Variants in IL1RN observed in about 807,000 individuals in gnomAD.
IL1RN encodes interleukin 1 receptor antagonist.
In IL1RN, 10 loss-of-function variants were observed where a neutral mutation model predicts 13.7. The observed-to-expected ratio is 0.73, with a 90% CI of 0.45 to 1.24. The LOEUF is 1.24. IL1RN is among the 50% of genes most tolerant of loss of function. The probability of loss-of-function intolerance (pLI) is 0.00; values close to 1 mark genes in which losing one functional copy is unlikely to be tolerated. For missense variants in IL1RN, 213 were observed against 222.1 expected, an observed-to-expected ratio of 0.96 and a Z score of 0.26; for synonymous variants, 102 against 82.7, an observed-to-expected ratio of 1.23 and a Z score of -1.27.
chr2:113,111,748 G>A (rs1375879678), intron 1 of IL1RN, among the ~76,000 whole-genome samples: 2 of 152,262 alleles, frequency 1.3e-5, no homozygotes, highest in African/African-American at 4.8e-5. Flanking sequence ...TGAGGACCCA[G>A]CCATTAAATG....
At chr2:113,117,992 G>A (rs745431834) in exon 1 of IL1RN, 1 of 1,383,916 alleles carries the variant, frequency 7.2e-7, no homozygotes, top group Admixed American at 1.7e-5. Flanking sequence ...GACCTCAGAA[G>A]ACCTCCTGTC....
intron 2 of IL1RN, among the ~76,000 whole-genome samples, chr2:113,121,213 T>A (rs1686774110): frequency 6.6e-6 from 1 of 152,220 alleles, no homozygotes; most frequent in Non-Finnish European, 1.5e-5. Flanking sequence ...AATAAAAGAA[T>A]GGCCACTCCA....
chr2:113,128,592 C>G (rs1381983478), intron 1 of IL1RN, among the ~76,000 whole-genome samples: 1 of 152,064 alleles, frequency 6.6e-6, no homozygotes, highest in Non-Finnish European at 1.5e-5. Context: ...TCCTGGAGGC[C>G]CCAGCAGGTG....
upstream of IL1RN, among the ~76,000 whole-genome samples, chr2:113,103,114 T>G (rs1488113502): frequency 6.6e-6 from 1 of 152,174 alleles, no homozygotes; most frequent in Non-Finnish European, 1.5e-5. Context: ...GCAGCCTGTA[T>G]CAGTAGATCA....
upstream of IL1RN, chr2:113,127,553 G>T (rs4252003): frequency 6.3e-7 from 1 of 1,575,698 alleles, no homozygotes; most frequent in African/African-American, 1.4e-5. Context: ...TAGCTTGGGT[G>T]AGTGACTATT....
upstream of IL1RN, among the ~76,000 whole-genome samples, chr2:113,126,048 T>A (rs1410870341): frequency 6.6e-6 from 1 of 152,206 alleles, no homozygotes; most frequent in Admixed American, 6.5e-5. Flanking sequence ...TCCGCCCACC[T>A]CAGCCTCCCC....
In IL1RN at chr2:113,131,113, C is replaced by G; in HGVS notation, c.274C>G (p.Leu92Val). ...GGGAATCCATGGAGGGAAGATGTGC[C>G]TGTCCTGTGTCAAGTCTGGTGATGA... ...FLGIHGGKMCLSCVKSGDETR... is the reference protein window; with the variant it reads ...FLGIHGGKMCVSCVKSGDETR... Residue 92 changes from leucine to valine, a missense_variant, in exon 3 of 4, where the codon CTG (leucine) becomes GTG (valine). Physicochemically the swap from Leu to Val is conservative, Grantham distance 32. Transcript: ENST00000409930. 1 of 1,613,744 alleles carries G rather than the reference C, an allele frequency of 6.2e-7. No homozygotes were observed. Among genetic ancestry groups the G allele is most frequent in the Non-Finnish European group, 8.5e-7 (1 of 1,179,586 alleles).
upstream of IL1RN, among the ~76,000 whole-genome samples, chr2:113,108,412 C>T (rs141047269): frequency 0.012 from 1,866 of 151,382 alleles, 38 homozygotes; most frequent in African/African-American, 0.043. Flanking sequence ...CGTCCCCCCT[C>T]CCCCACCCCA....
At chr2:113,117,697 A>G, upstream of IL1RN, 2 of 522,872 alleles carry the variant, frequency 3.8e-6, no homozygotes, top group South Asian at 2.3e-5. Context: ...AGTTCTCTGC[A>G]TGTGACCTCC....
At chr2:113,105,884 G>A (rs1686378816), upstream of IL1RN, among the ~76,000 whole-genome samples, 1 of 152,106 alleles carries the variant, frequency 6.6e-6, no homozygotes, top group Non-Finnish European at 1.5e-5. Context: ...AATGAAATTA[G>A]TTGATCAAAA....
chr2:113,119,714 C>T (rs1410330677), intron 1 of IL1RN, among the ~76,000 whole-genome samples: 2 of 152,300 alleles, frequency 1.3e-5, no homozygotes, highest in East Asian at 3.9e-4. Flanking sequence ...TTTGAACTGA[C>T]ACACAATAGG....
upstream of IL1RN, among the ~76,000 whole-genome samples, chr2:113,105,469 A>G (rs1017494796): frequency 1.3e-5 from 2 of 152,204 alleles, no homozygotes; most frequent in Admixed American, 6.5e-5. Context: ...TGTAAACTCT[A>G]TATATGTAGT....
At chr2:113,117,134 G>A (rs909065694), upstream of IL1RN, among the ~76,000 whole-genome samples, 1 of 152,252 alleles carries the variant, frequency 6.6e-6, no homozygotes, top group African/African-American at 2.4e-5. Flanking sequence ...CAAAAAGGAG[G>A]AGGGGTGTTC....
upstream of IL1RN, among the ~76,000 whole-genome samples, chr2:113,109,611 G>A (rs1355470768): frequency 6.6e-6 from 1 of 151,424 alleles, no homozygotes; most frequent in Non-Finnish European, 1.5e-5. Flanking sequence ...GAAGAACACA[G>A]TCAAACTAAC....
chr2:113,128,618 G>A (rs1687049966), intron 1 of IL1RN, among the ~76,000 whole-genome samples: 1 of 152,116 alleles, frequency 6.6e-6, no homozygotes, highest in African/African-American at 2.4e-5. Flanking sequence ...TATCCCTCCA[G>A]ACTGAGGCTA....
At chr2:113,121,385 T>A (rs570209243) in intron 2 of IL1RN, 2 of 860,374 alleles carry the variant, frequency 2.3e-6, no homozygotes, top group Non-Finnish European at 2.8e-6. Context: ...CTATAACAGG[T>A]AAGCAACACA....
chr2:113,101,732 G>T, the IL1RN span, among the ~76,000 whole-genome samples: 1 of 152,178 alleles, frequency 6.6e-6, no homozygotes, highest in Non-Finnish European at 1.5e-5. Flanking sequence ...ATAGAAGGCA[G>T]ATTGGAGCTG....
chr2:113,119,897 A>T (rs371610116), intron 1 of IL1RN, among the ~76,000 whole-genome samples: 2 of 152,096 alleles, frequency 1.3e-5, no homozygotes, highest in East Asian at 3.9e-4. Context: ...AAGAAGAGAA[A>T]AGTTGACGGG....
At chr2:113,131,212 C>A in intron 3 of IL1RN, 55 bp downstream of exon 3, 1 of 1,142,198 alleles carries the variant, frequency 8.8e-7, no homozygotes, top group Non-Finnish European at 1.3e-6. Context: ...CTTGAAACAA[C>A]CAAAATTTTT....
Sources: gnomAD v4.1 joint callset for allele counts (sites outside exome capture counted in the v4.1 genomes callset) on GRCh38, gnomAD v4.1.1 for gene constraint, MANE v1.5 for transcripts, NCBI Gene and HGNC (gene_info 2026-07-23, HGNC 2026-07-21) for gene names.